The following CNKSR2 variants were observed in gnomAD, a reference collection of about 807,000 sequenced individuals.
The protein encoded by CNKSR2 is connector enhancer of kinase suppressor of Ras 2.
Under a neutral mutation model 84.4 loss-of-function variants are expected in CNKSR2, and 14 were observed. The observed-to-expected ratio is 0.17, with a 90% confidence interval of 0.11 to 0.26. The LOEUF (loss-of-function observed/expected upper bound fraction) is 0.26, where lower values mean the gene tolerates loss of function less well. Ranked by LOEUF, CNKSR2 falls within the 10% of genes least tolerant of loss-of-function variation. The pLI, the probability that CNKSR2 is intolerant of heterozygous loss-of-function variation, is 1.00. For synonymous variants in CNKSR2, 275 were observed against 277.9 expected (o/e 0.99, Z 0.10); for missense variants, 485 against 771.2 (o/e 0.63, Z 4.40).
chrX:21,554,120 G>T (rs757127295), intron 11 of CNKSR2, among the ~76,000 whole-genome samples: 45 of 111,719 alleles, frequency 4.0e-4, no homozygotes, highest in Non-Finnish European at 5.7e-4. Flanking sequence ...TGTATAGCTT[G>T]TTCCCTCTTG....
chrX:21,590,550 T>A (rs748791070), intron 13 of CNKSR2, 22 bp from the exon 14 acceptor site: 2 of 1,198,629 alleles, frequency 1.7e-6, no homozygotes, highest in Non-Finnish European at 2.3e-6. Context: ...TCAGATAACA[T>A]TCTTTTTATC....
chrX:21,536,944 T>C (rs1434556649), intron 11 of CNKSR2, among the ~76,000 whole-genome samples: 2 of 109,654 alleles, frequency 1.8e-5, no homozygotes, highest in Non-Finnish European at 3.8e-5. Flanking sequence ...TTTTTCCTAA[T>C]TTTTTGAAGT....
chrX:21,378,403 A>AG (rs2089850720), intron 1 of CNKSR2, among the ~76,000 whole-genome samples: 1 of 111,753 alleles, frequency 8.9e-6, no homozygotes, highest in Admixed American at 9.5e-5. Context: ...AGCCATAGGC[A>AG]GAAAAGTAGG....
chrX:21,570,472 G>C (rs946715641), intron 13 of CNKSR2, among the ~76,000 whole-genome samples: 3 of 111,870 alleles, frequency 2.7e-5, no homozygotes, highest in Non-Finnish European at 5.6e-5. Flanking sequence ...TTAAGGGAAT[G>C]TTATGGCTGG....
At chrX:21,588,521 T>A (rs1456306439) in intron 13 of CNKSR2, among the ~76,000 whole-genome samples, 1 of 112,415 alleles carries the variant, frequency 8.9e-6, no homozygotes, top group Non-Finnish European at 1.9e-5. Flanking sequence ...TTAAAAGACA[T>A]CTAAGGCTTT....
chrX:21,489,957 A>C (rs773001419), intron 5 of CNKSR2, among the ~76,000 whole-genome samples: 3 of 111,655 alleles, frequency 2.7e-5, no homozygotes, highest in Non-Finnish European at 5.7e-5. Context: ...TGCCTGGAGG[A>C]GGTGGGAAAC....
At chrX:21,539,423 G>A (rs996396922) in intron 11 of CNKSR2, among the ~76,000 whole-genome samples, 1 of 110,915 alleles carries the variant, frequency 9.0e-6, no homozygotes, top group Non-Finnish European at 1.9e-5. Flanking sequence ...TTATTTTGTT[G>A]AATTGTCTGT....
chrX:21,409,756 A>G (rs1419330072), intron 1 of CNKSR2, among the ~76,000 whole-genome samples: 2 of 110,991 alleles, frequency 1.8e-5, no homozygotes, highest in East Asian at 5.6e-4. Context: ...ATTTCTCCAC[A>G]GGCTTCACTT....
At chrX:21,430,210 C>T in intron 2 of CNKSR2, among the ~76,000 whole-genome samples, 1 of 111,148 alleles carries the variant, frequency 9.0e-6, no homozygotes, top group Non-Finnish European at 1.9e-5. Flanking sequence ...AGGAGGTTTC[C>T]AAGTTAGAAC....
intron 20 of CNKSR2, among the ~76,000 whole-genome samples, chrX:21,646,346 C>A (rs1000225444): frequency 1.8e-5 from 2 of 111,614 alleles, no homozygotes; most frequent in Non-Finnish European, 3.8e-5. Context: ...TTTTCTCCCC[C>A]GTAAGAGCAA....
chrX:21,581,310 G>C (rs1422323106), intron 13 of CNKSR2, among the ~76,000 whole-genome samples: 1 of 111,797 alleles, frequency 8.9e-6, no homozygotes, highest in Admixed American at 9.5e-5. Flanking sequence ...AGGAAATTGA[G>C]GTCAAGAGTA....
chrX:21,549,667 A>G (rs1008982762), intron 11 of CNKSR2, among the ~76,000 whole-genome samples: 3 of 111,845 alleles, frequency 2.7e-5, no homozygotes, highest in Non-Finnish European at 5.6e-5. Flanking sequence ...TTCAAACTAT[A>G]CTACAAGGTT....
chrX:21,441,413 G>A (rs2090782247), intron 4 of CNKSR2: 1 of 110,769 alleles, frequency 9.0e-6, no homozygotes, highest in Admixed American at 9.7e-5. Context: ...AAATAGTTAA[G>A]TGTTTATTTC....
chrX:21,502,108 A>G (rs1283591541), intron 8 of CNKSR2, among the ~76,000 whole-genome samples: 1 of 104,789 alleles, frequency 9.5e-6, no homozygotes, highest in Admixed American at 1.0e-4. Flanking sequence ...TTTATTTCCT[A>G]AAAGAGGACA....
At chrX:21,619,660 A>G (rs1277099783) in intron 20 of CNKSR2, among the ~76,000 whole-genome samples, 1 of 110,151 alleles carries the variant, frequency 9.1e-6, no homozygotes, top group African/African-American at 3.3e-5. Flanking sequence ...CCACTGCTCC[A>G]TGACTGAATT....
intron 5 of CNKSR2, among the ~76,000 whole-genome samples, chrX:21,471,641 A>C (rs1410326430): frequency 1.8e-5 from 2 of 112,376 alleles, no homozygotes; most frequent in Non-Finnish European, 3.8e-5. Flanking sequence ...GTATGGAGGG[A>C]AAATATTACT....
Position 21,607,535 on chromosome X carries a change from A to G in CNKSR2, c.2145+656A>G, listed in dbSNP as rs1290186650. Among the ~76,000 whole-genome samples the G allele has an allele frequency of 2.7e-5, 3 of 111,458 alleles. No homozygotes were observed. The Admixed American group carries it at 2.9e-4, about 11-fold the overall frequency. ...ATTCCATGGTCAGGCCGGGCATGGT[A>G]GCTCACGCGTCTAATCCCAGCACTT... On this transcript the variant is annotated intron_variant, in intron 19 of 21. Coordinates refer to ENST00000379510, the MANE Select transcript of CNKSR2 (RefSeq NM_014927.5).
chrX:21,604,666 C>T (rs1186845041), intron 18 of CNKSR2, among the ~76,000 whole-genome samples: 2 of 110,989 alleles, frequency 1.8e-5, no homozygotes, highest in Non-Finnish European at 3.8e-5. Context: ...GCCTTGAAGG[C>T]ATCAGTGCAA....
rs768497403 is a variant in CNKSR2, at chrX:21,473,745, G to GTTTTTT, written c.561+2952_561+2957dup. Among the ~76,000 whole-genome samples, 220 of 67,189 alleles carry GTTTTTT rather than the reference G, an allele frequency of 3.3e-3. 30 individuals carry two copies. Among genetic ancestry groups the GTTTTTT allele is most frequent in the African/African-American group, 0.021 (208 of 9,699 alleles). 58.3% of individuals were successfully genotyped at this position (67,189 alleles called of 115,157 possible). The stretch of plus-strand genomic sequence containing the variant: ...TAGGTTTTTTGTTGTTGTTGGTTTG[G>GTTTTTT]TTTTTTTTTTTTTTTTTTTGAGACA... On this transcript the variant is annotated intron_variant, in intron 5 of 21. Coordinates refer to ENST00000379510, the MANE Select transcript of CNKSR2 (RefSeq NM_014927.5).
Sources: gnomAD v4.1 joint callset for allele counts (sites outside exome capture counted in the v4.1 genomes callset) on GRCh38, gnomAD v4.1.1 for gene constraint, MANE v1.5 for transcripts, NCBI Gene and HGNC (gene_info 2026-07-23, HGNC 2026-07-21) for gene names.